The following TGFBR1 variants were observed in gnomAD, a reference collection of about 807,000 sequenced individuals.
The protein encoded by TGFBR1 is transforming growth factor beta receptor 1.
TGFBR1 carries 20 observed loss-of-function variants against 55.1 expected under a neutral mutation model. That is an observed-to-expected ratio of 0.36 (90% CI 0.26 to 0.53). TGFBR1 has a LOEUF of 0.53. Ranked by LOEUF, TGFBR1 falls within the 20% of genes least tolerant of loss-of-function variation. The pLI is 0.91. For missense variants in TGFBR1, 385 were observed against 617.6 expected (o/e 0.62, Z 3.99); for synonymous variants, 220 against 214.8 (o/e 1.02, Z -0.21).
In TGFBR1 at chr9:99,140,307, T is replaced by C. The variant is rs556958830; in HGVS notation, c.805+2218T>C. ...ATCTCTACTAAAAATACAAAAAAAT[T>C]AGCCAGGCATGATGGCAGGTGCCTA... On this transcript the variant is annotated intron_variant, in intron 4 of 8. Coordinates refer to ENST00000374994, the MANE Select transcript of TGFBR1 (RefSeq NM_004612.4). 3.9e-5 allele frequency among the ~76,000 whole-genome samples: 6 copies of C among 152,100 alleles called. No individual in the cohort carries two copies. In the South Asian group the frequency reaches 1.2e-3, roughly 32 times the overall value.
chr9:99,119,103 T>A (rs1826830828), intron 1 of TGFBR1, among the ~76,000 whole-genome samples: 1 of 152,204 alleles, frequency 6.6e-6, no homozygotes, highest in Non-Finnish European at 1.5e-5. Flanking sequence ...TGAGAAAAGG[T>A]GTTCAGGCCT....
At chr9:99,127,263 G>A (rs1007862379) in intron 1 of TGFBR1, among the ~76,000 whole-genome samples, 1 of 152,174 alleles carries the variant, frequency 6.6e-6, no homozygotes, top group Non-Finnish European at 1.5e-5. Flanking sequence ...CAGCATGCAC[G>A]AAGTTGTCAA....
At chr9:99,117,383 C>A (rs1826777382) in intron 1 of TGFBR1, among the ~76,000 whole-genome samples, 1 of 151,908 alleles carries the variant, frequency 6.6e-6, no homozygotes, top group South Asian at 2.1e-4. Flanking sequence ...ACAGCGTGAG[C>A]CACCGTGCCC....
rs1319288761 is a variant in TGFBR1 at position 99,149,690 on chromosome 9, A to C, written c.*385A>C. ...ATGAAACATGTCTTATTACTAAAGA[A>C]AGTGATTTACTCCTGGTTAGTACAT... On this transcript the variant is annotated 3_prime_UTR_variant, in exon 9 of 9. Transcript: ENST00000374994. 3.2e-6 allele frequency: 1 copy of C among 308,926 alleles called. No individual in the cohort carries two copies. The highest frequency in any genetic ancestry group is 6.2e-6 in the Non-Finnish European group (1 of 162,330). The allele number at this position is 308,926 out of a possible 1,614,324, so 19.1% of individuals were successfully genotyped here.
rs1234639792 is a variant in TGFBR1 at position 99,149,541 on chromosome 9, C to T, written c.*236C>T. ...TTTCCCAGGACAGAAAATGTGTAGT[C>T]TACCTTTATTTTTTATTAACAAAAC... On this transcript the variant is annotated 3_prime_UTR_variant, in exon 9 of 9. Transcript: ENST00000374994. The T allele has an allele frequency of 2.0e-6, 1 of 494,720 alleles. No homozygotes were observed. The highest frequency in any genetic ancestry group is 3.6e-6 in the Non-Finnish European group (1 of 276,278). 30.6% of individuals were successfully genotyped at this position (494,720 alleles called of 1,614,324 possible). A position where few individuals can be genotyped will look rare whatever the true frequency, so the allele number is the denominator to read the frequency against.
At chr9:99,124,301 T>C (rs1364091127) in intron 1 of TGFBR1, among the ~76,000 whole-genome samples, 1 of 152,140 alleles carries the variant, frequency 6.6e-6, no homozygotes, top group Non-Finnish European at 1.5e-5. Flanking sequence ...AAATACCTTG[T>C]CTTACTCATC....
At chr9:99,112,847 A>G (rs1248946147) in intron 1 of TGFBR1, among the ~76,000 whole-genome samples, 1 of 152,216 alleles carries the variant, frequency 6.6e-6, no homozygotes, top group East Asian at 1.9e-4. Flanking sequence ...AGATTAAAAA[A>G]AAATGGAACC....
chr9:99,153,881 C>T lies in TGFBR1; in HGVS notation c.*4576C>T, dbSNP rs968909534. 1.4e-5 allele frequency: 3 copies of T among 214,130 alleles called. No homozygotes were observed. The highest frequency in any genetic ancestry group is 6.8e-5 in the African/African-American group (3 of 44,240). The allele number at this position is 214,130 out of a possible 1,614,324, so 13.3% of individuals were successfully genotyped here. On this transcript the variant is annotated 3_prime_UTR_variant, in exon 9 of 9. Transcript: ENST00000374994. ...CACATGCTTAGGGGTGTGGGTCTTC[C>T]ATTGGGGCATGATGGACCTGTCTAC...
intron 7 of TGFBR1, among the ~76,000 whole-genome samples, chr9:99,147,201 G>A (rs750931014): frequency 1.9e-4 from 29 of 152,252 alleles, no homozygotes; most frequent in Non-Finnish European, 4.3e-4. Context: ...TCTCTGTATT[G>A]TAGTAAATAG....
chr9:99,105,906 C>A (rs1328217546), intron 1 of TGFBR1, among the ~76,000 whole-genome samples: 2 of 152,230 alleles, frequency 1.3e-5, no homozygotes, highest in African/African-American at 2.4e-5. Flanking sequence ...GACTCCCGCC[C>A]GGCTCGACCC....
intron 3 of TGFBR1, among the ~76,000 whole-genome samples, chr9:99,135,584 G>T (rs1312248357): frequency 1.3e-5 from 2 of 152,218 alleles, no homozygotes; most frequent in Non-Finnish European, 2.9e-5. Flanking sequence ...CGCCAAGTGT[G>T]TGAGTGTGCA....
rs533494765 is a variant in TGFBR1 at position 99,133,263 on chromosome 9, C to T, written c.574+524C>T. 3.9e-5 allele frequency among the ~76,000 whole-genome samples: 6 copies of T among 152,248 alleles called. No individual in the cohort carries two copies. The South Asian group carries it at 1.2e-3, about 32-fold the overall frequency. On this transcript the variant is annotated intron_variant, in intron 3 of 8. Transcript: ENST00000374994. Reference sequence around the variant, plus strand: ...GGTTTTTTAAAATTAAACTAATGAACTCTTATGTCATTTTCTCACTTGAGA... The same window carrying T: ...GGTTTTTTAAAATTAAACTAATGAATTCTTATGTCATTTTCTCACTTGAGA...
At position 99,149,263 on chromosome 9, in the gene TGFBR1, A is replaced by G; in HGVS notation, c.1470A>G (p.Lys490=). Reference sequence around the variant, plus strand: ...GGCTTACAGCATTGCGGATTAAGAAAACATTATCGCAACTCAGTCAACAGG... The same window carrying G: ...GGCTTACAGCATTGCGGATTAAGAAGACATTATCGCAACTCAGTCAACAGG... ...AARLTALRIK[K]TLSQLSQQEG... Residue 490 remains lysine (K), a synonymous_variant, in exon 9 of 9, where the codon AAA becomes AAG. Transcript: ENST00000374994. The G allele has an allele frequency of 6.2e-7, 1 of 1,613,922 alleles. No individual in the cohort carries two copies. Among genetic ancestry groups the G allele is most frequent in the Non-Finnish European group, 8.5e-7 (1 of 1,179,888 alleles).
chr9:99,134,842 ATATATATAT>A (rs2118665624), intron 3 of TGFBR1, among the ~76,000 whole-genome samples: 1 of 99,372 alleles, frequency 1.0e-5, no homozygotes, highest in African/African-American at 3.5e-5. Flanking sequence ...ATATATATAT[ATATATATAT>A]ATTTCTAGAT....
At chr9:99,125,229 C>T (rs910943111) in intron 1 of TGFBR1, among the ~76,000 whole-genome samples, 3 of 152,086 alleles carry the variant, frequency 2.0e-5, no homozygotes, top group African/African-American at 7.2e-5. Context: ...TTGGTAAGTT[C>T]AGGATGAGAC....
At position 99,152,283 on chromosome 9, in the gene TGFBR1, A is replaced by G. The variant is rs28427103; in HGVS notation, c.*2978A>G. On this transcript the variant is annotated 3_prime_UTR_variant, in exon 9 of 9. Coordinates refer to ENST00000374994, the MANE Select transcript of TGFBR1 (RefSeq NM_004612.4). ...GGATGCCCCTGCTTTGACTTCAGCC[A>G]TGGATGAGGAGTGGGATGGCAGCAA... 4.6e-6 allele frequency: 1 copy of G among 216,784 alleles called. No homozygotes were observed. The highest frequency in any genetic ancestry group is 9.3e-6 in the Non-Finnish European group (1 of 107,388). The allele number at this position is 216,784 out of a possible 1,614,324, so 13.4% of individuals were successfully genotyped here.
intron 1 of TGFBR1, among the ~76,000 whole-genome samples, chr9:99,119,624 A>C (rs1365673521): frequency 6.6e-6 from 1 of 152,242 alleles, no homozygotes; most frequent in Non-Finnish European, 1.5e-5. Flanking sequence ...TCCTTCCAGC[A>C]TGAACATTTT....
rs1004586153 is a variant in TGFBR1 at position 99,152,668 on chromosome 9, G to T, written c.*3363G>T. 2 of 226,976 alleles carry T rather than the reference G, an allele frequency of 8.8e-6. No homozygotes were observed. Among genetic ancestry groups the T allele is most frequent in the Admixed American group, 1.1e-4 (2 of 17,600 alleles). 14.1% of individuals were successfully genotyped at this position (226,976 alleles called of 1,614,324 possible). On this transcript the variant is annotated 3_prime_UTR_variant, in exon 9 of 9. Transcript: ENST00000374994. ...GCTTATTTTTATTCTTGCACTGGAA[G>T]AATCGTAAGTCAACTGTTTCTTGAC...
intron 4 of TGFBR1, among the ~76,000 whole-genome samples, chr9:99,140,976 G>A (rs1827597932): frequency 6.6e-6 from 1 of 152,162 alleles, no homozygotes; most frequent in South Asian, 2.1e-4. Context: ...TTTGTCAGGG[G>A]TTAATGTACT....
Sources: gnomAD v4.1 joint callset for allele counts (sites outside exome capture counted in the v4.1 genomes callset) on GRCh38, gnomAD v4.1.1 for gene constraint, MANE v1.5 for transcripts, NCBI Gene and HGNC (gene_info 2026-07-23, HGNC 2026-07-21) for gene names.